Variants in DLGAP2 observed in about 807,000 individuals in gnomAD.
The protein encoded by DLGAP2 is disks large-associated protein 2.
Under a neutral mutation model 100.3 loss-of-function variants are expected in DLGAP2, and 26 were observed. The ratio of observed to expected loss-of-function variants is 0.26; its 90% confidence interval spans 0.19 to 0.36. DLGAP2 has a LOEUF of 0.36. Ranked by LOEUF, DLGAP2 falls within the 10% of genes least tolerant of loss-of-function variation. The pLI, the probability that DLGAP2 is intolerant of heterozygous loss-of-function variation, is 1.00. For missense variants in DLGAP2, 1,858 were observed against 1,453.2 expected, an observed-to-expected ratio of 1.28 and a Z score of -4.53; for synonymous variants, 886 against 630.1, an observed-to-expected ratio of 1.41 and a Z score of -6.08.
chr8:910,574 C>T (rs904241587), intron 2 of DLGAP2: 10 of 152,194 alleles, frequency 6.6e-5, no homozygotes, highest in African/African-American at 2.4e-4. Flanking sequence ...ACCCAAAGCA[C>T]ATTTATGCCT....
chr8:1,421,914 C>T (rs566915482), intron 3 of DLGAP2, among the ~76,000 whole-genome samples: 11 of 152,012 alleles, frequency 7.2e-5, no homozygotes, highest in African/African-American at 2.7e-4. Context: ...TGCAGTGAGC[C>T]GTGATCATGC....
At position 1,430,027 on chromosome 8, in the gene DLGAP2, T is replaced by TATATATAC. The variant is rs1282725274; in HGVS notation, c.107-71338_107-71337insTATATACA. Among the ~76,000 whole-genome samples the TATATATAC allele has an allele frequency of 4.3e-4, 33 of 76,870 alleles. 2 individuals are homozygous for TATATATAC. The highest frequency in any genetic ancestry group is 7.2e-4 in the Non-Finnish European group (29 of 40,136). 50.4% of individuals were successfully genotyped at this position (76,870 alleles called of 152,430 possible). A position where few individuals can be genotyped will look rare whatever the true frequency, so the allele number is the denominator to read the frequency against. The stretch of plus-strand genomic sequence containing the variant: ...ATATACATATATATATATATATATA[T>TATATATAC]ACACACACACACATATGAACTTAGA... On this transcript the variant is annotated intron_variant, in intron 3 of 14. Coordinates refer to ENST00000637795, the MANE Select transcript of DLGAP2 (RefSeq NM_001346810.2).
At position 1,320,530 on chromosome 8, in the gene DLGAP2, G is replaced by T. The variant is rs57852603; in HGVS notation, c.106+61647G>T. 6.3e-3 allele frequency among the ~76,000 whole-genome samples: 955 copies of T among 152,236 alleles called. 10 individuals are homozygous for T. Among genetic ancestry groups the T allele is most frequent in the African/African-American group, 0.021 (863 of 41,542 alleles). Reference sequence around the variant, plus strand: ...GCAACATACGGGCACAGAGCCGTGGGTCCCACGTGATGTGATAACCACCCC... The same window carrying T: ...GCAACATACGGGCACAGAGCCGTGGTTCCCACGTGATGTGATAACCACCCC... On this transcript the variant is annotated intron_variant, in intron 3 of 14. Coordinates refer to ENST00000637795, the MANE Select transcript of DLGAP2 (RefSeq NM_001346810.2).
intron 1 of DLGAP2, among the ~76,000 whole-genome samples, chr8:769,025 G>C (rs79022990): frequency 0.012 from 1,780 of 152,122 alleles, 26 homozygotes; most frequent in African/African-American, 0.042. Flanking sequence ...GACACCAAGG[G>C]ATTGTTTCGA....
intron 2 of DLGAP2, among the ~76,000 whole-genome samples, chr8:957,693 G>C (rs1235651964): frequency 1.3e-5 from 2 of 152,128 alleles, no homozygotes; most frequent in African/African-American, 2.4e-5. Context: ...CCTTACCCTT[G>C]TCAGTCTAGT....
chr8:1,244,734 A>C (rs1183503078), intron 2 of DLGAP2, among the ~76,000 whole-genome samples: 1 of 152,236 alleles, frequency 6.6e-6, no homozygotes, highest in Non-Finnish European at 1.5e-5. Context: ...TAGAGATGAC[A>C]CCCAAAGCGC....
chr8:1,348,826 A>G (rs1801635089), intron 3 of DLGAP2, among the ~76,000 whole-genome samples: 1 of 152,200 alleles, frequency 6.6e-6, no homozygotes, highest in Admixed American at 6.5e-5. Context: ...ACCAGCCAGT[A>G]TCAGTCCCCA....
At chr8:1,013,199 T>C (rs1366048638) in intron 2 of DLGAP2, among the ~76,000 whole-genome samples, 1 of 152,204 alleles carries the variant, frequency 6.6e-6, no homozygotes, top group Non-Finnish European at 1.5e-5. Flanking sequence ...TCAAGGGCTA[T>C]GTGTATAGAC....
rs112898970 is a variant in DLGAP2 at position 747,482 on chromosome 8, C to T, written c.18+9657C>T. On this transcript the variant is annotated intron_variant, in intron 1 of 14. Coordinates refer to ENST00000637795, the MANE Select transcript of DLGAP2 (RefSeq NM_001346810.2). ...AAGGCGGAGAGGCTGGGACAGGCCACGTTCCAGCCGAGGGGAACGCGGAGG... is the reference window on the plus strand; with the variant it reads ...AAGGCGGAGAGGCTGGGACAGGCCATGTTCCAGCCGAGGGGAACGCGGAGG... 8.6e-3 allele frequency among the ~76,000 whole-genome samples: 1,257 copies of T among 145,626 alleles called. 13 individuals carry two copies. Among genetic ancestry groups the T allele is most frequent in the African/African-American group, 0.03 (1,160 of 38,910 alleles).
At chr8:863,108 T>C (rs1797423572) in intron 1 of DLGAP2, among the ~76,000 whole-genome samples, 1 of 152,200 alleles carries the variant, frequency 6.6e-6, no homozygotes, top group African/African-American at 2.4e-5. Flanking sequence ...GTGTGAATCC[T>C]GTGAGGTTTC....
At chr8:1,695,635 C>A (rs936003604) in intron 13 of DLGAP2, among the ~76,000 whole-genome samples, 10 of 152,100 alleles carry the variant, frequency 6.6e-5, no homozygotes, top group African/African-American at 2.2e-4. Flanking sequence ...ATGCCCGGCA[C>A]TACAGAAAGA....
chr8:1,316,252 G>A (rs542319899), intron 3 of DLGAP2, among the ~76,000 whole-genome samples: 2 of 132,552 alleles, frequency 1.5e-5, no homozygotes, highest in African/African-American at 5.6e-5. Context: ...AAACTCGGCA[G>A]CTTTTAAAAA....
intron 2 of DLGAP2, among the ~76,000 whole-genome samples, chr8:1,106,154 T>G: frequency 7.0e-6 from 1 of 142,828 alleles, no homozygotes; most frequent in African/African-American, 2.6e-5. Context: ...TCTAGGAGGG[T>G]TTTCTATTGA....
chr8:845,132 CACA>C (rs1797050124), intron 1 of DLGAP2, among the ~76,000 whole-genome samples: 1 of 152,136 alleles, frequency 6.6e-6, no homozygotes, highest in South Asian at 2.1e-4. Context: ...CATATTTGTG[CACA>C]ACTTTTTGCG....
At chr8:1,616,776 A>G (rs1421992861) in intron 6 of DLGAP2, among the ~76,000 whole-genome samples, 1 of 142,932 alleles carries the variant, frequency 7.0e-6, no homozygotes, top group Non-Finnish European at 1.5e-5. Context: ...ACATGCACAG[A>G]TTTGTGATTT....
chr8:1,326,656 C>G (rs538763747), intron 3 of DLGAP2, among the ~76,000 whole-genome samples: 8 of 152,364 alleles, frequency 5.3e-5, no homozygotes, highest in African/African-American at 1.7e-4. Flanking sequence ...AGCTCTTAGT[C>G]TTGGTCTGGG....
chr8:1,229,187 A>G (rs1354900160), intron 2 of DLGAP2, among the ~76,000 whole-genome samples: 1 of 152,160 alleles, frequency 6.6e-6, no homozygotes, highest in African/African-American at 2.4e-5. Context: ...AAACTATAAA[A>G]TATTGAAATA....
chr8:1,061,200 A>ATCG, intron 2 of DLGAP2, among the ~76,000 whole-genome samples: 1 of 152,336 alleles, frequency 6.6e-6, no homozygotes, highest in South Asian at 2.1e-4. Context: ...ATTCTGTGGA[A>ATCG]TCGTCGCCCA....
chr8:906,258 AG>A (rs1395464619), intron 1 of DLGAP2, among the ~76,000 whole-genome samples: 1 of 152,230 alleles, frequency 6.6e-6, no homozygotes, highest in East Asian at 1.9e-4. Flanking sequence ...GGCACAGAAA[AG>A]TATTTTGTGG....
Sources: gnomAD v4.1 joint callset for allele counts (sites outside exome capture counted in the v4.1 genomes callset) on GRCh38, gnomAD v4.1.1 for gene constraint, MANE v1.5 for transcripts, NCBI Gene and HGNC (gene_info 2026-07-23, HGNC 2026-07-21) for gene names.